The following XXYLT1 variants were observed in gnomAD, a reference collection of about 807,000 sequenced individuals.
The protein encoded by XXYLT1 is xyloside xylosyltransferase 1, also known as UDP-xylose:alpha-xyloside alpha-1,3-xylosyltransferase.
A neutral mutation model predicts 28.9 loss-of-function variants in XXYLT1; 20 were observed. That is an observed-to-expected ratio of 0.69 (90% CI 0.49 to 1.00). The LOEUF (loss-of-function observed/expected upper bound fraction) is 1.00. Ranked by LOEUF, XXYLT1 falls within the 50% of genes least tolerant of loss-of-function variation. The pLI, the probability that XXYLT1 is intolerant of heterozygous loss-of-function variation, is 0.00. For synonymous variants in XXYLT1, 257 were observed against 253.8 expected, an observed-to-expected ratio of 1.01 and a Z score of -0.12; for missense variants, 542 against 560.1, an observed-to-expected ratio of 0.97 and a Z score of 0.33.
intron 3 of XXYLT1, among the ~76,000 whole-genome samples, chr3:195,147,420 A>G (rs2108660080): frequency 6.6e-6 from 1 of 152,260 alleles, no homozygotes; most frequent in South Asian, 2.1e-4. Context: ...AAATACAAAA[A>G]TTAGCCAGGC....
At chr3:195,144,124 C>A (rs1467718929) in intron 3 of XXYLT1, among the ~76,000 whole-genome samples, 1 of 149,750 alleles carries the variant, frequency 6.7e-6, no homozygotes, top group African/African-American at 2.4e-5. Context: ...AAACTCCTGA[C>A]CTTAAGTGAT....
Position 195,077,292 on chromosome 3 carries a change from A to G in XXYLT1, c.786-7181T>C, listed in dbSNP as rs991881087. 1.3e-5 allele frequency among the ~76,000 whole-genome samples: 2 copies of G among 152,258 alleles called. No individual in the cohort carries two copies. The highest frequency in any genetic ancestry group is 4.8e-5 in the African/African-American group (2 of 41,572). ...ATGTCCAAAAGCTCCCCCTTGCAACATCTCCTGCAATCTCAACCCAGAGGC... is the reference window on the plus strand; with the variant it reads ...ATGTCCAAAAGCTCCCCCTTGCAACGTCTCCTGCAATCTCAACCCAGAGGC... On this transcript the variant is annotated intron_variant, in intron 3 of 3. Coordinates refer to ENST00000310380, the MANE Select transcript of XXYLT1 (RefSeq NM_152531.5). The surrounding 1 kb of genome is among the most constrained non-coding windows in gnomAD (Gnocchi z 4.8).
intron 3 of XXYLT1, among the ~76,000 whole-genome samples, chr3:195,088,950 A>C (rs1267130446): frequency 6.6e-6 from 1 of 152,108 alleles, no homozygotes; most frequent in Non-Finnish European, 1.5e-5. Flanking sequence ...AATGAATGAA[A>C]TGAAGCAAGA....
In XXYLT1 at chr3:195,271,060, C is replaced by A. The variant is rs1440911576; in HGVS notation, c.-2G>T. 7.4e-7 allele frequency: 1 copy of A among 1,353,570 alleles called. No homozygotes were observed. Among genetic ancestry groups the A allele is most frequent in the Non-Finnish European group, 9.5e-7 (1 of 1,057,166 alleles). The allele number at this position is 1,353,570 out of a possible 1,614,324, so 83.8% of individuals were successfully genotyped here. On this transcript the variant is annotated 5_prime_UTR_variant, in exon 1 of 4. Coordinates refer to ENST00000310380, the MANE Select transcript of XXYLT1 (RefSeq NM_152531.5). ...GAGCCCGCCTCGGAGGAGGCCCATG[C>A]GCTACGAGACCGCGGCGCCAGCGGT...
In XXYLT1 at chr3:195,222,478, G is replaced by T. The variant is rs201292645; in HGVS notation, c.652+4231C>A. On this transcript the variant is annotated intron_variant, in intron 2 of 3. Coordinates refer to ENST00000310380, the MANE Select transcript of XXYLT1 (RefSeq NM_152531.5). ...TGAGTCGACAACCCTGGGCGGCTGG[G>T]GGTTGACACACCCTGGCCTTATAAG... Among the ~76,000 whole-genome samples the T allele has an allele frequency of 9.2e-5, 14 of 152,288 alleles. No homozygotes were observed. The East Asian group carries it at 2.7e-3, about 29-fold the overall frequency.
intron 3 of XXYLT1, among the ~76,000 whole-genome samples, chr3:195,111,898 T>C (rs891652644): frequency 6.6e-6 from 1 of 152,180 alleles, no homozygotes; most frequent in Non-Finnish European, 1.5e-5. Context: ...ACAAGATCAT[T>C]TGCTCGCCCC....
intron 3 of XXYLT1, among the ~76,000 whole-genome samples, chr3:195,072,003 C>T (rs1350910048): frequency 3.3e-5 from 5 of 151,184 alleles, no homozygotes; most frequent in South Asian, 2.1e-4. Context: ...CCCACGTGTC[C>T]ATCTTTCTTT....
chr3:195,213,930 GT>G (rs1723444285), intron 2 of XXYLT1, among the ~76,000 whole-genome samples: 2 of 152,168 alleles, frequency 1.3e-5, no homozygotes, highest in African/African-American at 2.4e-5. Context: ...GTCACGAGGG[GT>G]TTAGGCAATA....
At position 195,088,379 on chromosome 3, in the gene XXYLT1, TGACCCCC is replaced by T. The variant is rs1715912846; in HGVS notation, c.786-18275_786-18269del. Among the ~76,000 whole-genome samples the T allele has an allele frequency of 1.4e-5, 2 of 147,120 alleles. 1 individual carries two copies. On this transcript the variant is annotated intron_variant, in intron 3 of 3. Coordinates refer to ENST00000310380, the MANE Select transcript of XXYLT1 (RefSeq NM_152531.5). ...CCTCCTCAAGTGGGTCCCTGACCCCTGACCCCCGAGCAGCCTAACTGGGAGGCACCCC... is the reference window on the plus strand; with the variant it reads ...CCTCCTCAAGTGGGTCCCTGACCCCTGAGCAGCCTAACTGGGAGGCACCCC...
chr3:195,146,002 T>C (rs1719825212), intron 3 of XXYLT1, among the ~76,000 whole-genome samples: 1 of 152,188 alleles, frequency 6.6e-6, no homozygotes, highest in African/African-American at 2.4e-5. Context: ...GATGTTCAAT[T>C]CAACCCCAGG....
chr3:195,225,983 C>A (rs1472816498), intron 2 of XXYLT1, among the ~76,000 whole-genome samples: 2 of 152,180 alleles, frequency 1.3e-5, no homozygotes, highest in Non-Finnish European at 2.9e-5. Context: ...ATCACCCAGT[C>A]TCAGGTATGT....
chr3:195,262,709 C>T (rs1049831052), intron 1 of XXYLT1, among the ~76,000 whole-genome samples: 20 of 152,240 alleles, frequency 1.3e-4, no homozygotes, highest in South Asian at 4.1e-4. Context: ...CACATACTTG[C>T]GGGCTTCTCC....
At chr3:195,220,088 G>A (rs1031283252) in intron 2 of XXYLT1, among the ~76,000 whole-genome samples, 16 of 152,150 alleles carry the variant, frequency 1.1e-4, no homozygotes, top group African/African-American at 3.1e-4. Flanking sequence ...CTGGGAGCTG[G>A]GGGGAGGGGA....
At chr3:195,238,602 G>A (rs565697240) in intron 1 of XXYLT1, among the ~76,000 whole-genome samples, 7 of 152,264 alleles carry the variant, frequency 4.6e-5, no homozygotes, top group African/African-American at 9.6e-5. Flanking sequence ...CAGTTTCTTC[G>A]TGGGTAATAC....
intron 2 of XXYLT1, chr3:195,175,915 G>C: frequency 7.1e-7 from 1 of 1,402,756 alleles, no homozygotes; most frequent in Non-Finnish European, 9.2e-7. Context: ...AATTATGTAT[G>C]AAGTCACAGA....
At chr3:195,268,600 C>CA (rs1265664568) in intron 1 of XXYLT1, among the ~76,000 whole-genome samples, 35 of 6,132 alleles carry the variant, frequency 5.7e-3, no homozygotes, top group African/African-American at 0.012. Flanking sequence ...CTCCATCTCA[C>CA]AAAAAAAAAA....
intron 2 of XXYLT1, chr3:195,214,681 T>G (rs1013964204): frequency 6.6e-6 from 1 of 152,108 alleles, no homozygotes; most frequent in African/African-American, 2.4e-5. Context: ...TCTCCAATCC[T>G]TATCCACTGT....
chr3:195,194,184 T>A (rs994919171), intron 2 of XXYLT1, among the ~76,000 whole-genome samples: 1 of 151,546 alleles, frequency 6.6e-6, no homozygotes, highest in Non-Finnish European at 1.5e-5. Context: ...CCAGGTTATA[T>A]AAGGAATGCT....
chr3:195,214,504 A>G (rs1391167354), intron 2 of XXYLT1, among the ~76,000 whole-genome samples: 1 of 152,014 alleles, frequency 6.6e-6, no homozygotes, highest in East Asian at 1.9e-4. Flanking sequence ...AGGGCTAACT[A>G]TGGGAACCAG....
Sources: gnomAD v4.1 joint callset for allele counts (sites outside exome capture counted in the v4.1 genomes callset) on GRCh38, gnomAD v4.1.1 for gene constraint, Gnocchi (gnomAD v3.1) non-coding constraint, MANE v1.5 for transcripts, NCBI Gene and HGNC (gene_info 2026-07-23, HGNC 2026-07-21) for gene names.